The following HEXD variants were observed in gnomAD, a reference collection of about 807,000 sequenced individuals.
The protein encoded by HEXD is N-acetyl-beta-galactosaminidase.
Under a neutral mutation model 54.2 loss-of-function variants are expected in HEXD, and 47 were observed. The observed-to-expected ratio is 0.87, with a 90% confidence interval of 0.69 to 1.11. The LOEUF is 1.11. Ranked by LOEUF, HEXD falls within the 50% of genes least tolerant of loss-of-function variation. The pLI, the probability that HEXD is intolerant of heterozygous loss-of-function variation, is 0.00. For synonymous variants in HEXD, 293 were observed against 287.6 expected, an observed-to-expected ratio of 1.02 and a Z score of -0.19; for missense variants, 576 against 649.2, an observed-to-expected ratio of 0.89 and a Z score of 1.23.
At position 82,442,157 on chromosome 17, in the gene HEXD, C is replaced by T. The variant is rs1380934674; in HGVS notation, c.1254-20C>T. On this transcript the variant is annotated intron_variant, in intron 12 of 12. Coordinates refer to ENST00000327949, the MANE Select transcript of HEXD (RefSeq NM_001330542.2). The surrounding 1 kb of genome is among the most constrained non-coding windows in gnomAD (Gnocchi z 6.8). Reference sequence around the variant, plus strand: ...GTCCCAAGTGTGCAGACTGTGCGTTCATGGCGCCCTCACCTGCAGCCTCCT... The same window carrying T: ...GTCCCAAGTGTGCAGACTGTGCGTTTATGGCGCCCTCACCTGCAGCCTCCT... The T allele has an allele frequency of 6.3e-7, 1 of 1,588,006 alleles. No homozygotes were observed. The highest frequency in any genetic ancestry group is 2.2e-5 in the East Asian group (1 of 44,562).
intron 10 of HEXD, 27 bp downstream of exon 10, chr17:82,441,102 C>T (rs763262062): frequency 6.2e-7 from 1 of 1,613,608 alleles, no homozygotes; most frequent in Non-Finnish European, 8.5e-7. Flanking sequence ...CCTCCCTGTC[C>T]CCTTCTTCCC....
chr17:82,440,220 G>A lies in HEXD; in HGVS notation c.982+507G>A, dbSNP rs778753629. On this transcript the variant is annotated intron_variant, in intron 9 of 12. Coordinates refer to ENST00000327949, the MANE Select transcript of HEXD (RefSeq NM_001330542.2). Reference sequence around the variant, plus strand: ...AGAGGAGCTGTGTGTGTGGAAACTCGCAGGCCACACGGGAAATTAGCGACT... The same window carrying A: ...AGAGGAGCTGTGTGTGTGGAAACTCACAGGCCACACGGGAAATTAGCGACT... 1.6e-5 allele frequency: 20 copies of A among 1,289,328 alleles called. No individual in the cohort carries two copies. The East Asian group carries it at 2.8e-4, about 18-fold the overall frequency. 79.9% of individuals were successfully genotyped at this position (1,289,328 alleles called of 1,614,324 possible). A position where few individuals can be genotyped will look rare whatever the true frequency, so the allele number is the denominator to read the frequency against.
At chr17:82,424,327 G>T in intron 2 of HEXD, 67 bp from the exon 3 acceptor site, 1 of 992,300 alleles carries the variant, frequency 1.0e-6, no homozygotes, top group Non-Finnish European at 1.6e-6. Context: ...GCGTCTCCCT[G>T]CTGTGGACTT....
At chr17:82,422,179 AAAG>A (rs1313336278) in intron 2 of HEXD, among the ~76,000 whole-genome samples, 46 of 151,324 alleles carry the variant, frequency 3.0e-4, no homozygotes, top group Non-Finnish European at 4.4e-5. Flanking sequence ...AAAAAAAAAA[AAAG>A]AAAAAAGAAG....
intron 9 of HEXD, chr17:82,439,984 A>T (rs1343216950): frequency 6.9e-7 from 1 of 1,449,822 alleles, no homozygotes; most frequent in East Asian, 2.9e-5. Flanking sequence ...GCAGAAATGC[A>T]CGCAGGTCGG....
intron 3 of HEXD, chr17:82,426,026 C>A (rs761618979): frequency 7.9e-6 from 1 of 126,284 alleles, no homozygotes; most frequent in African/African-American, 3.3e-5. Context: ...ATGGCTTGAG[C>A]CTGGTGTTAG....
intron 9 of HEXD, chr17:82,440,763 A>T: frequency 3.5e-6 from 2 of 564,084 alleles, no homozygotes; most frequent in Non-Finnish European, 6.2e-6. Context: ...ACACAGTCTT[A>T]CTTCTGTTTT....
At chr17:82,439,077 C>G (rs1033631388) in intron 8 of HEXD, among the ~76,000 whole-genome samples, 3 of 152,240 alleles carry the variant, frequency 2.0e-5, no homozygotes, top group African/African-American at 7.2e-5. Context: ...CAGTGGGAAG[C>G]CCAGGCCAGG....
In HEXD at chr17:82,442,491, G is replaced by C. The variant is rs770960916; in HGVS notation, c.*107G>C. ...CGTGGGCGTCGTGCCCTCTGGCCCA[G>C]CAGTGTCTTGCCCACACTCAGTTCC... On this transcript the variant is annotated 3_prime_UTR_variant, in exon 13 of 13. Transcript: ENST00000327949. This position sits in a 1 kb window ranked among gnomAD's most constrained non-coding sequence, Gnocchi z 6.8. 2 of 1,602,404 alleles carry C rather than the reference G, an allele frequency of 1.2e-6. No individual in the cohort carries two copies. The highest frequency in any genetic ancestry group is 4.5e-5 in the East Asian group (2 of 44,464).
chr17:82,439,756 C>T (rs751681095), intron 9 of HEXD, 43 bp downstream of exon 9: 6 of 1,598,348 alleles, frequency 3.8e-6, no homozygotes, highest in African/African-American at 1.3e-5. Flanking sequence ...GGCCCCTCCC[C>T]GAAAGACCCG....
rs374653320 is a variant in HEXD at position 82,435,754 on chromosome 17, G to A, written c.513G>A (p.Gly171=). 1.2e-6 allele frequency: 2 copies of A among 1,612,882 alleles called. No individual in the cohort carries two copies. Among genetic ancestry groups the A allele is most frequent in the African/African-American group, 2.7e-5 (2 of 74,944 alleles). Residue 171 remains glycine (G), a synonymous_variant, in exon 6 of 13, where the codon GGG becomes GGA. Transcript: ENST00000327949. ...RWLQQEQNST[G]KLCLSHMRAV... ...TACAGCAAGAGCAGAACAGCACGGG[G>A]AAGTTGTGCCTGTCACACATGCGGG...
rs2054026235 is a variant in HEXD, at chr17:82,442,511, A to G, written c.*127A>G. The G allele has an allele frequency of 1.9e-6, 3 of 1,595,854 alleles. No individual in the cohort carries two copies. In the South Asian group the frequency reaches 3.3e-5, roughly 18 times the overall value. ...GCCCAGCAGTGTCTTGCCCACACTC[A>G]GTTCCTGAGGGCCCTGGGCAGCCCC... On this transcript the variant is annotated 3_prime_UTR_variant, in exon 13 of 13. Transcript: ENST00000327949. The surrounding 1 kb of genome is among the most constrained non-coding windows in gnomAD (Gnocchi z 6.8).
rs1244022314 is a variant in HEXD, at chr17:82,441,842, G to A, written c.1206G>A (p.Lys402=). 6.2e-7 allele frequency: 1 copy of A among 1,613,072 alleles called. No homozygotes were observed. Among genetic ancestry groups the A allele is most frequent in the Non-Finnish European group, 8.5e-7 (1 of 1,179,982 alleles). ...GWFSPYHRQR[K]LIHPVMVQHI... Reference sequence around the variant, plus strand: ...TCAGCCCCTACCACCGCCAGCGGAAGCTCATCCACCCGGTCATGGTTCAGC... The same window carrying A: ...TCAGCCCCTACCACCGCCAGCGGAAACTCATCCACCCGGTCATGGTTCAGC... Residue 402 remains lysine (K), a synonymous_variant, in exon 12 of 13, where the codon AAG becomes AAA. Transcript: ENST00000327949.
At chr17:82,440,052 G>T (rs963807203) in intron 9 of HEXD, 6 of 1,311,014 alleles carry the variant, frequency 4.6e-6, no homozygotes, top group Non-Finnish European at 6.0e-6. Context: ...GGCCGAGCAG[G>T]TGTGGGGCTC....
At position 82,437,471 on chromosome 17, in the gene HEXD, A is replaced by G. The variant is rs546673913; in HGVS notation, c.899+108A>G. 9.1e-6 allele frequency: 9 copies of G among 988,634 alleles called. No individual in the cohort carries two copies. The East Asian group carries it at 2.0e-4, about 22-fold the overall frequency. The allele number at this position is 988,634 out of a possible 1,614,324, so 61.2% of individuals were successfully genotyped here. A position where few individuals can be genotyped will look rare whatever the true frequency, so the allele number is the denominator to read the frequency against. ...GCCTTCCCAGGTTGGTCAAAGGGGAAGCAGCCCGGGCCTCCAAGAGGAGCT... is the reference window on the plus strand; with the variant it reads ...GCCTTCCCAGGTTGGTCAAAGGGGAGGCAGCCCGGGCCTCCAAGAGGAGCT... On this transcript the variant is annotated intron_variant, in intron 8 of 12. Transcript: ENST00000327949.
Position 82,438,385 on chromosome 17 carries a change from T to TCCTGTA in HEXD, c.899+1022_899+1023insCCTGTA, listed in dbSNP as rs2053834431. 2.0e-5 allele frequency among the ~76,000 whole-genome samples: 3 copies of TCCTGTA among 151,860 alleles called. No homozygotes were observed. The South Asian group carries it at 6.2e-4, about 32-fold the overall frequency. ...CCAGGACTGTCGGCTGTTGTAGGAG[T>TCCTGTA]GGCCCCTGCAGGTATCTAAGCACTT... On this transcript the variant is annotated intron_variant, in intron 8 of 12. Transcript: ENST00000327949.
intron 8 of HEXD, 54 bp from the exon 9 acceptor site, chr17:82,439,563 AGTCAGGGCGCCTGC>A (rs1385707514): frequency 4.3e-5 from 64 of 1,497,710 alleles, no homozygotes; most frequent in Non-Finnish European, 5.4e-5. Flanking sequence ...GGACGTCCGA[AGTCAGGGCGCCTGC>A]GTCAGGCTGC....
At chr17:82,440,878 C>T in intron 9 of HEXD, 119 bp from the exon 10 acceptor site, 1 of 1,147,486 alleles carries the variant, frequency 8.7e-7, no homozygotes, top group Non-Finnish European at 1.3e-6. Flanking sequence ...CTGGGCCTGG[C>T]CAGTGGCTCT....
In HEXD at chr17:82,441,125, C is replaced by T. The variant is rs375812231; in HGVS notation, c.1062-40C>T. On this transcript the variant is annotated intron_variant, in intron 10 of 12. Coordinates refer to ENST00000327949, the MANE Select transcript of HEXD (RefSeq NM_001330542.2). ...TCCCCTTCTTCCCCTCCCCTTCCCC[C>T]GCCCGTGGAGACAGCTGTTCTCAGC... 146 of 1,613,394 alleles carry T rather than the reference C, an allele frequency of 9.0e-5. No individual in the cohort carries two copies. Among genetic ancestry groups the T allele is most frequent in the Non-Finnish European group, 1.2e-4 (138 of 1,180,024 alleles).
Sources: allele counts gnomAD v4.1 joint callset (sites outside exome capture counted in the v4.1 genomes callset), GRCh38; gene constraint gnomAD v4.1.1; non-coding constraint Gnocchi (gnomAD v3.1); transcripts MANE v1.5; gene names NCBI Gene and HGNC (gene_info 2026-07-23, HGNC 2026-07-21).